The following LRMDA variants were observed in gnomAD, a reference collection of about 807,000 sequenced individuals.
LRMDA encodes leucine-rich melanocyte differentiation-associated protein.
A neutral mutation model predicts 29.8 loss-of-function variants in LRMDA; 18 were observed. The observed-to-expected ratio is 0.60, with a 90% CI of 0.42 to 0.90. The LOEUF (loss-of-function observed/expected upper bound fraction) is 0.90. Among genes scored for constraint, LRMDA ranks in the 40% least tolerant of loss-of-function variants. The probability of loss-of-function intolerance (pLI) is 0.00; values close to 1 mark genes in which losing one functional copy is unlikely to be tolerated. For synonymous variants in LRMDA, 125 were observed against 109.4 expected (o/e 1.14, Z -0.89); for missense variants, 273 against 273.9 (o/e 1.00, Z 0.02).
intron 2 of LRMDA, among the ~76,000 whole-genome samples, chr10:76,001,936 G>A (rs1005013992): frequency 7.2e-5 from 11 of 152,084 alleles, no homozygotes; most frequent in Admixed American, 5.2e-4. Context: ...TGAGTGTCAT[G>A]GAAGTGACCC....
chr10:75,774,001 A>G (rs1843276433), intron 2 of LRMDA, among the ~76,000 whole-genome samples: 1 of 152,240 alleles, frequency 6.6e-6, no homozygotes, highest in East Asian at 1.9e-4. Context: ...TACACAGCAT[A>G]GTATGAGTAC....
At chr10:76,182,184 A>T (rs529266704) in intron 5 of LRMDA, among the ~76,000 whole-genome samples, 15 of 152,286 alleles carry the variant, frequency 9.8e-5, no homozygotes, top group African/African-American at 3.6e-4. Flanking sequence ...TCAGGAAATC[A>T]TGGTGGAAGG....
At chr10:75,517,622 A>G (rs943840665) in intron 2 of LRMDA, among the ~76,000 whole-genome samples, 2 of 152,072 alleles carry the variant, frequency 1.3e-5, no homozygotes, top group Non-Finnish European at 2.9e-5. Flanking sequence ...GGGTTTTCTA[A>G]ATATACAGTC....
chr10:75,845,785 G>A (rs1844624295), intron 2 of LRMDA, among the ~76,000 whole-genome samples: 1 of 152,106 alleles, frequency 6.6e-6, no homozygotes, highest in Non-Finnish European at 1.5e-5. Context: ...TGGATAGAGA[G>A]GAGAAAAAAC....
rs1841526818 is a variant in LRMDA at position 76,376,868 on chromosome 10, T to TGTC, written c.601+52383_601+52384insGTC. 1.1e-4 allele frequency among the ~76,000 whole-genome samples: 5 copies of TGTC among 46,872 alleles called. 2 individuals carry two copies. Among genetic ancestry groups the TGTC allele is most frequent in the African/African-American group, 2.8e-4 (2 of 7,224 alleles). 30.7% of individuals were successfully genotyped at this position (46,872 alleles called of 152,430 possible). ...TGTTTGTTGGGCACTTGGAAGTCTT[T>TGTC]TTTTTTTTTTTTTTTTTTTTTTTTT... On this transcript the variant is annotated intron_variant, in intron 6 of 6. Transcript: ENST00000611255.
chr10:76,137,609 G>A (rs1850119486), intron 5 of LRMDA, among the ~76,000 whole-genome samples: 1 of 152,154 alleles, frequency 6.6e-6, no homozygotes, highest in Non-Finnish European at 1.5e-5. Flanking sequence ...GAGAAGTGAT[G>A]AGATGTGCTG....
chr10:76,349,310 G>A (rs1439347119), intron 6 of LRMDA, among the ~76,000 whole-genome samples: 2 of 152,136 alleles, frequency 1.3e-5, no homozygotes, highest in African/African-American at 4.8e-5. Context: ...CAATATGGAA[G>A]CCAATGGGGT....
intron 2 of LRMDA, among the ~76,000 whole-genome samples, chr10:75,911,162 A>T (rs866870237): frequency 6.6e-6 from 1 of 152,314 alleles, no homozygotes; most frequent in African/African-American, 2.4e-5. Context: ...CCACTCTGAC[A>T]TTGGCAAGAA....
chr10:75,870,843 C>T (rs987555334), intron 2 of LRMDA, among the ~76,000 whole-genome samples: 4 of 152,196 alleles, frequency 2.6e-5, no homozygotes, highest in African/African-American at 9.7e-5. Context: ...AGTTCACTGT[C>T]TCCCCAGCTC....
intron 6 of LRMDA, among the ~76,000 whole-genome samples, chr10:76,431,558 C>T (rs1193915466): frequency 1.3e-5 from 2 of 152,312 alleles, no homozygotes; most frequent in Non-Finnish European, 2.9e-5. Context: ...GTGCCTTGCT[C>T]TAGGGCAGTT....
chr10:76,309,454 C>G (rs1192733132), intron 5 of LRMDA, among the ~76,000 whole-genome samples: 4 of 152,080 alleles, frequency 2.6e-5, no homozygotes, highest in African/African-American at 7.2e-5. Flanking sequence ...AGCCTCTGAT[C>G]TGTCAGCCTT....
intron 2 of LRMDA, among the ~76,000 whole-genome samples, chr10:75,890,550 GT>G (rs1845469034): frequency 6.6e-6 from 1 of 152,204 alleles, no homozygotes. Context: ...TGTTTGGCAG[GT>G]GGTGTGAGGG....
At chr10:75,736,638 T>C (rs1842765909) in intron 2 of LRMDA, among the ~76,000 whole-genome samples, 1 of 152,184 alleles carries the variant, frequency 6.6e-6, no homozygotes, top group Non-Finnish European at 1.5e-5. Flanking sequence ...AAACACTCAA[T>C]TGAATTTACA....
intron 6 of LRMDA, among the ~76,000 whole-genome samples, chr10:76,506,473 C>T (rs370125936): frequency 3.9e-4 from 59 of 152,214 alleles, no homozygotes; most frequent in East Asian, 1.6e-3. Flanking sequence ...GAGGCTGGGG[C>T]GACAAGATGG....
intron 6 of LRMDA, among the ~76,000 whole-genome samples, chr10:76,350,741 A>C (rs1280485438): frequency 6.6e-6 from 1 of 152,180 alleles, no homozygotes; most frequent in African/African-American, 2.4e-5. Context: ...CTGGGGTTGC[A>C]GGAACACTGT....
At chr10:75,547,381 T>C (rs975377008) in intron 2 of LRMDA, among the ~76,000 whole-genome samples, 3 of 152,206 alleles carry the variant, frequency 2.0e-5, no homozygotes, top group Non-Finnish European at 4.4e-5. Context: ...TTAAAGACTC[T>C]GGTGGCCCTT....
intron 2 of LRMDA, among the ~76,000 whole-genome samples, chr10:76,032,671 T>A (rs1848169483): frequency 1.3e-5 from 2 of 152,116 alleles, no homozygotes; most frequent in Admixed American, 1.3e-4. Context: ...GCGTTGCTGC[T>A]GGTGGAGGGG....
At chr10:75,572,815 C>T (rs149949723) in intron 2 of LRMDA, among the ~76,000 whole-genome samples, 1,537 of 152,196 alleles carry the variant, frequency 0.01, 31 homozygotes, top group African/African-American at 0.035. Context: ...GAGGCCATAA[C>T]GGTGGAGCCC....
intron 2 of LRMDA, among the ~76,000 whole-genome samples, chr10:75,570,459 T>C (rs1158246306): frequency 6.6e-6 from 1 of 152,206 alleles, no homozygotes; most frequent in African/African-American, 2.4e-5. Context: ...AGTATGAATG[T>C]AATTTCTAGA....
Sources: gnomAD v4.1 joint callset for allele counts (sites outside exome capture counted in the v4.1 genomes callset) on GRCh38, gnomAD v4.1.1 for gene constraint, MANE v1.5 for transcripts, NCBI Gene and HGNC (gene_info 2026-07-23, HGNC 2026-07-21) for gene names.